MYO16: variants seen among roughly 807,000 people sequenced by gnomAD.
The protein encoded by MYO16 is myosin XVI.
Under a neutral mutation model 205.3 loss-of-function variants are expected in MYO16, and 94 were observed. That is an observed-to-expected ratio of 0.46 (90% CI 0.39 to 0.54). The LOEUF (loss-of-function observed/expected upper bound fraction) is 0.54, where lower values mean the gene tolerates loss of function less well. MYO16 is among the 20% of genes least tolerant of loss of function. The pLI is 0.00. For synonymous variants in MYO16, 988 were observed against 954.0 expected (o/e 1.04, Z -0.66); for missense variants, 2,315 against 2,387.5 (o/e 0.97, Z 0.63).
intron 27 of MYO16, among the ~76,000 whole-genome samples, chr13:109,083,294 A>G (rs1888336226): frequency 6.8e-6 from 1 of 147,192 alleles, no homozygotes; most frequent in African/African-American, 2.5e-5. Flanking sequence ...GAGGCTGGAT[A>G]ATCACTTGAA....
chr13:108,836,169 C>T (rs567322521), intron 9 of MYO16, among the ~76,000 whole-genome samples: 64 of 152,144 alleles, frequency 4.2e-4, no homozygotes, highest in Admixed American at 8.5e-4. Context: ...TGTCCTGCAC[C>T]CCAGCAACTT....
At chr13:108,747,390 T>C (rs529398627) in intron 4 of MYO16, among the ~76,000 whole-genome samples, 22 of 152,264 alleles carry the variant, frequency 1.4e-4, no homozygotes, top group African/African-American at 5.3e-4. Flanking sequence ...TCATAGCGGG[T>C]ACAGAGAAGG....
rs572376937 is a variant in MYO16, at chr13:108,714,592, CTG to C, written c.363+1881_363+1882del. Among the ~76,000 whole-genome samples the C allele has an allele frequency of 3.2e-3, 467 of 146,628 alleles. 4 individuals carry two copies. Among genetic ancestry groups the C allele is most frequent in the African/African-American group, 9.6e-3 (374 of 38,886 alleles). The stretch of plus-strand genomic sequence containing the variant: ...CTGTCACTTCTTCACGTGTGTGTGT[CTG>C]TGTGTGTGTGTGTGTGTGTATATAT... On this transcript the variant is annotated intron_variant, in intron 3 of 34. Coordinates refer to ENST00000457511, the MANE Select transcript of MYO16 (RefSeq NM_001198950.3).
chr13:109,031,385 G>A (rs191366024), intron 23 of MYO16, among the ~76,000 whole-genome samples: 1 of 152,234 alleles, frequency 6.6e-6, no homozygotes, highest in African/African-American at 2.4e-5. Flanking sequence ...TTACTTAAAG[G>A]AATATTAACT....
At chr13:108,831,882 G>T (rs1432176939) in intron 9 of MYO16, among the ~76,000 whole-genome samples, 2 of 152,178 alleles carry the variant, frequency 1.3e-5, no homozygotes, top group Non-Finnish European at 2.9e-5. Context: ...ATCTGGAGAA[G>T]GTTACCATCC....
intron 2 of MYO16, among the ~76,000 whole-genome samples, chr13:108,672,603 G>A (rs969705994): frequency 6.6e-6 from 1 of 152,014 alleles, no homozygotes; most frequent in African/African-American, 2.4e-5. Context: ...CTGGGAGTTG[G>A]TGATATTTCA....
rs1566388859 is a variant in MYO16, at chr13:108,883,153, T to TC, written c.1522dup (p.Arg508ProfsTer20). ...GTGGAGAGAGCCTTTCACCAGCTCT[T>TC]CCGGGAACAGCGGCCTCAGTGTTTC... On this transcript the variant is annotated frameshift_variant, in exon 13 of 35. Transcript: ENST00000457511. LOFTEE classifies it high-confidence loss of function. 6.2e-7 allele frequency: 1 copy of TC among 1,613,968 alleles called. No individual in the cohort carries two copies.
chr13:108,720,067 A>G (rs907330706), intron 3 of MYO16, among the ~76,000 whole-genome samples: 9 of 152,220 alleles, frequency 5.9e-5, no homozygotes, highest in African/African-American at 2.2e-4. Flanking sequence ...CTGCAGTGCA[A>G]ATAGAAATAA....
chr13:108,830,683 C>T (rs995420450), intron 9 of MYO16, among the ~76,000 whole-genome samples: 7 of 150,904 alleles, frequency 4.6e-5, no homozygotes, highest in Admixed American at 2.0e-4. Context: ...GTGGGTGCAG[C>T]GCACCAGCAT....
intron 2 of MYO16, among the ~76,000 whole-genome samples, chr13:108,698,212 G>A (rs752747615): frequency 6.6e-6 from 1 of 152,122 alleles, no homozygotes; most frequent in Non-Finnish European, 1.5e-5. Flanking sequence ...CAGATGTCCA[G>A]GTCCACTCAG....
the MYO16 span, among the ~76,000 whole-genome samples, chr13:108,528,628 C>CT: frequency 3.9e-4 from 2 of 5,162 alleles, no homozygotes. Context: ...CCCCTCTCCC[C>CT]CTCCCCTCCT....
intron 28 of MYO16, among the ~76,000 whole-genome samples, chr13:109,107,503 C>G (rs953594092): frequency 1.1e-4 from 17 of 151,976 alleles, no homozygotes; most frequent in Non-Finnish European, 8.8e-5. Flanking sequence ...AATAGAAGAG[C>G]AAGGAACTGT....
chr13:108,986,519 G>A (rs1884639583), intron 20 of MYO16, among the ~76,000 whole-genome samples: 2 of 151,012 alleles, frequency 1.3e-5, no homozygotes, highest in African/African-American at 4.9e-5. Context: ...CTACTCAGGA[G>A]GCTGAGGCAG....
intron 2 of MYO16, among the ~76,000 whole-genome samples, chr13:108,700,282 A>G (rs143626168): frequency 0.014 from 2,023 of 148,770 alleles, 49 homozygotes; most frequent in African/African-American, 0.047. Context: ...CAGTGAGCTG[A>G]GATTGAGCCA....
intron 7 of MYO16, among the ~76,000 whole-genome samples, chr13:108,813,532 T>C (rs1193966661): frequency 3.3e-5 from 5 of 152,176 alleles, no homozygotes; most frequent in African/African-American, 9.6e-5. Flanking sequence ...AGAGATACTT[T>C]CACTCTCAAG....
At chr13:108,616,252 A>G (rs1879346108) in intron 1 of MYO16, among the ~76,000 whole-genome samples, 1 of 152,236 alleles carries the variant, frequency 6.6e-6, no homozygotes, top group South Asian at 2.1e-4. Context: ...GTAAAAATGT[A>G]TATACAGTAG....
At chr13:109,149,150 A>G (rs1280266625) in intron 32 of MYO16, among the ~76,000 whole-genome samples, 1 of 152,216 alleles carries the variant, frequency 6.6e-6, no homozygotes, top group Non-Finnish European at 1.5e-5. Flanking sequence ...TCTTTCCTAC[A>G]AAGTGCAAAG....
chr13:108,692,733 G>A (rs924408245), intron 2 of MYO16, among the ~76,000 whole-genome samples: 2 of 152,150 alleles, frequency 1.3e-5, no homozygotes, highest in South Asian at 2.1e-4. Flanking sequence ...AGAAAAATGT[G>A]CTTATTAATG....
chr13:109,023,211 A>G (rs1179512137), intron 23 of MYO16, among the ~76,000 whole-genome samples: 2 of 122,846 alleles, frequency 1.6e-5, no homozygotes, highest in East Asian at 2.3e-4. Context: ...ATATAAATTT[A>G]TGTATATATT....
Sources: allele counts gnomAD v4.1 joint callset (sites outside exome capture counted in the v4.1 genomes callset), GRCh38; gene constraint gnomAD v4.1.1; transcripts MANE v1.5; gene names NCBI Gene and HGNC (gene_info 2026-07-23, HGNC 2026-07-21).